KDM1B: variants seen among roughly 807,000 people sequenced by gnomAD.
The protein encoded by KDM1B is lysine-specific histone demethylase 2.
KDM1B carries 63 observed loss-of-function variants against 107.4 expected under a neutral mutation model. The observed-to-expected ratio is 0.59, with a 90% CI of 0.48 to 0.72. The LOEUF is 0.72. KDM1B is among the 30% of genes least tolerant of loss of function. The pLI is 0.00. For missense variants in KDM1B, 749 were observed against 1,020.8 expected (o/e 0.73, Z 3.63); for synonymous variants, 363 against 363.9 (o/e 1.00, Z 0.03).
Position 18,201,437 on chromosome 6 carries a change from A to G in KDM1B, c.1360-49A>G, listed in dbSNP as rs1284454620. On this transcript the variant is annotated intron_variant, in intron 13 of 21. Coordinates refer to ENST00000650836, the MANE Select transcript of KDM1B (RefSeq NM_001364614.2). This position sits in a 1 kb window ranked among gnomAD's most constrained non-coding sequence, Gnocchi z 4.3. ...GATTTTCAGCTTAGAACCTGTAAAT[A>G]TTTTTTTCCAGGGAAAATTTTCACC... 1.4e-6 allele frequency: 2 copies of G among 1,394,296 alleles called. No individual in the cohort carries two copies. Among genetic ancestry groups the G allele is most frequent in the Non-Finnish European group, 1.9e-6 (2 of 1,025,880 alleles). 86.4% of individuals were successfully genotyped at this position (1,394,296 alleles called of 1,614,324 possible). A position where few individuals can be genotyped will look rare whatever the true frequency, so the allele number is the denominator to read the frequency against.
rs1300026252 is a variant in KDM1B, at chr6:18,191,237, C to A, written c.825C>A (p.Pro275=). 2 of 1,550,444 alleles carry A rather than the reference C, an allele frequency of 1.3e-6. No individual in the cohort carries two copies. Among genetic ancestry groups the A allele is most frequent in the East Asian group, 4.9e-5 (2 of 40,928 alleles). Residue 275 remains proline (P), a synonymous_variant, in exon 10 of 22, where the codon CCC becomes CCA. Transcript: ENST00000650836. This position sits in a 1 kb window ranked among gnomAD's most constrained non-coding sequence, Gnocchi z 5.1. The stretch of plus-strand genomic sequence containing the variant: ...GATACTTCCAGCCTTTCTACCAGCC[C>A]AATGAGTGTGGCAAAGCCCTCTGTG... ...MNRYFQPFYQ[P]NECGKALCVR...
intron 20 of KDM1B, among the ~76,000 whole-genome samples, chr6:18,217,410 G>A (rs1205206437): frequency 4.8e-5 from 7 of 147,332 alleles, no homozygotes; most frequent in Non-Finnish European, 1.0e-4. Context: ...ATGGAGTCTG[G>A]CTCTGTTGCC....
At position 18,207,479 on chromosome 6, in the gene KDM1B, G is replaced by A; in HGVS notation, c.1741G>A (p.Val581Met). 6.2e-7 allele frequency: 1 copy of A among 1,614,218 alleles called. No individual in the cohort carries two copies. Among genetic ancestry groups the A allele is most frequent in the South Asian group, 1.1e-5 (1 of 91,084 alleles). The change falls in exon 16 of 22, where the codon GTG (valine) becomes ATG (methionine). Residue 581 changes from valine (V) to methionine (M), a missense_variant. Physicochemically the swap from Val to Met is conservative, Grantham distance 21. Coordinates refer to ENST00000650836, the MANE Select transcript of KDM1B (RefSeq NM_001364614.2). ...CACTCTGCTAACTCCCGGGTACTCG[G>A]TGATAATTGAAAAACTGGCAGAAGG... The part of the protein sequence containing the change: ...DHTLLTPGYS[V>M]IIEKLAEGLD...
chr6:18,213,423 C>T lies in KDM1B; in HGVS notation c.1984-233C>T, dbSNP rs1487301489. The stretch of plus-strand genomic sequence containing the variant: ...TGCACTCCCAGCTGGGCAACAAGAG[C>T]GAAACTCCGTCTCAAAAAAAAAAAA... On this transcript the variant is annotated intron_variant, in intron 18 of 21. Transcript: ENST00000650836. This position sits in a 1 kb window ranked among gnomAD's most constrained non-coding sequence, Gnocchi z 5.9. Among the ~76,000 whole-genome samples the T allele has an allele frequency of 1.4e-4, 21 of 146,542 alleles. No individual in the cohort carries two copies. The highest frequency in any genetic ancestry group is 3.5e-4 in the African/African-American group (14 of 39,652).
At chr6:18,202,892 C>T (rs773831816) in intron 14 of KDM1B, among the ~76,000 whole-genome samples, 6 of 152,152 alleles carry the variant, frequency 3.9e-5, no homozygotes, top group Non-Finnish European at 7.3e-5. Flanking sequence ...CAGAAATATA[C>T]TCTCGTCAAC....
At position 18,166,447 on chromosome 6, in the gene KDM1B, T is replaced by C. The variant is rs116824463; in HGVS notation, c.417+69T>C. 8.5e-3 allele frequency: 7,421 copies of C among 875,654 alleles called. 55 individuals are homozygous for C. The highest frequency in any genetic ancestry group is 0.019 in the Middle Eastern group (86 of 4,548). The allele number at this position is 875,654 out of a possible 1,614,324, so 54.2% of individuals were successfully genotyped here. A position where few individuals can be genotyped will look rare whatever the true frequency, so the allele number is the denominator to read the frequency against. On this transcript the variant is annotated intron_variant, in intron 6 of 21. Transcript: ENST00000650836. Reference sequence around the variant, plus strand: ...CAAATGCAAGAGGCATGGATGAAAATGCTGTTTAGGAAATCTCCTATTACA... The same window carrying C: ...CAAATGCAAGAGGCATGGATGAAAACGCTGTTTAGGAAATCTCCTATTACA...
At chr6:18,217,922 T>C in intron 21 of KDM1B, 37 bp downstream of exon 21, 1 of 1,592,026 alleles carries the variant, frequency 6.3e-7, no homozygotes, top group Non-Finnish European at 8.6e-7. Flanking sequence ...TATTTGTATT[T>C]TGATTTCTGT....
In KDM1B at chr6:18,162,220, C is replaced by T. The variant is rs1785018085; in HGVS notation, c.216-615C>T. The stretch of plus-strand genomic sequence containing the variant: ...CCTGTAATCCCAGCCACTCAGGAGG[C>T]TGAGGCATGAGAATCGCTTGAACCC... On this transcript the variant is annotated intron_variant, in intron 4 of 21. Coordinates refer to ENST00000650836, the MANE Select transcript of KDM1B (RefSeq NM_001364614.2). The surrounding 1 kb of genome is among the most constrained non-coding windows in gnomAD (Gnocchi z 4.1). 6.6e-6 allele frequency among the ~76,000 whole-genome samples: 1 copy of T among 152,092 alleles called. No homozygotes were observed.
intron 7 of KDM1B, among the ~76,000 whole-genome samples, chr6:18,183,001 A>T (rs9367982): frequency 0.66 from 101,038 of 152,156 alleles, 35,415 homozygotes; most frequent in East Asian, 0.8. Flanking sequence ...TTGTAAGATC[A>T]GTTCCTACAA....
chr6:18,216,647 A>G (rs1374337044), intron 20 of KDM1B, among the ~76,000 whole-genome samples: 2 of 152,214 alleles, frequency 1.3e-5, no homozygotes, highest in Non-Finnish European at 2.9e-5. Context: ...AAATAGATTC[A>G]TAAGTTTTCA....
At position 18,209,923 on chromosome 6, in the gene KDM1B, C is replaced by T. The variant is rs760140478; in HGVS notation, c.1866+1717C>T. On this transcript the variant is annotated intron_variant, in intron 17 of 21. Transcript: ENST00000650836. This position sits in a 1 kb window ranked among gnomAD's most constrained non-coding sequence, Gnocchi z 4.3. Reference sequence around the variant, plus strand: ...CTACCTTTTAAAATTGCAAGTCACCCGACAGTTCAGCCTCTGCTGTTCTGT... The same window carrying T: ...CTACCTTTTAAAATTGCAAGTCACCTGACAGTTCAGCCTCTGCTGTTCTGT... 6.6e-6 allele frequency among the ~76,000 whole-genome samples: 1 copy of T among 152,042 alleles called. No homozygotes were observed. Among genetic ancestry groups the T allele is most frequent in the Non-Finnish European group, 1.5e-5 (1 of 68,014 alleles).
chr6:18,189,151 C>G (rs907804123), intron 9 of KDM1B, among the ~76,000 whole-genome samples: 1 of 152,138 alleles, frequency 6.6e-6, no homozygotes, highest in Non-Finnish European at 1.5e-5. Context: ...AGCAAGAATT[C>G]TGGATTTCCT....
rs938074337 is a variant in KDM1B, at chr6:18,200,216, A to G, written c.1222-223A>G. On this transcript the variant is annotated intron_variant, in intron 12 of 21. Transcript: ENST00000650836. This position sits in a 1 kb window ranked among gnomAD's most constrained non-coding sequence, Gnocchi z 4.3. ...GTATCTGGTTTGAGTGATTCTTTCA[A>G]CAGACCACTCAGTTTTTCCTCGCTA... 6.6e-6 allele frequency among the ~76,000 whole-genome samples: 1 copy of G among 152,172 alleles called. No individual in the cohort carries two copies. Among genetic ancestry groups the G allele is most frequent in the South Asian group, 2.1e-4 (1 of 4,834 alleles).
At chr6:18,178,615 A>T (rs1486780352) in intron 7 of KDM1B, among the ~76,000 whole-genome samples, 1 of 148,462 alleles carries the variant, frequency 6.7e-6, no homozygotes, top group Admixed American at 6.8e-5. Context: ...CTGGTCTCGA[A>T]CTCCTGACCT....
At position 18,186,360 on chromosome 6, in the gene KDM1B, A is replaced by G. The variant is rs72840608; in HGVS notation, c.573+550A>G. Among the ~76,000 whole-genome samples the G allele has an allele frequency of 0.13, 19,431 of 152,204 alleles. 1,323 individuals are homozygous for G. The highest frequency in any genetic ancestry group is 0.19 in the South Asian group (902 of 4,830). On this transcript the variant is annotated intron_variant, in intron 8 of 21. Coordinates refer to ENST00000650836, the MANE Select transcript of KDM1B (RefSeq NM_001364614.2). The surrounding 1 kb of genome is among the most constrained non-coding windows in gnomAD (Gnocchi z 5.6). ...CTGAGTTGACAAACTTCAGTGTACC[A>G]TGTAACCAGATTCGGTGACTGTTTC...
In KDM1B at chr6:18,191,146, G is replaced by A. The variant is rs1787259962; in HGVS notation, c.785-51G>A. ...TTTGCTTTTGCCCTTTAATTCTTCTGGATTTGGAAGTTACAGCTTGTAGGA... is the reference window on the plus strand; with the variant it reads ...TTTGCTTTTGCCCTTTAATTCTTCTAGATTTGGAAGTTACAGCTTGTAGGA... On this transcript the variant is annotated intron_variant, in intron 9 of 21. Coordinates refer to ENST00000650836, the MANE Select transcript of KDM1B (RefSeq NM_001364614.2). This position sits in a 1 kb window ranked among gnomAD's most constrained non-coding sequence, Gnocchi z 5.1. The A allele has an allele frequency of 6.6e-7, 1 of 1,509,854 alleles. No homozygotes were observed. Among genetic ancestry groups the A allele is most frequent in the African/African-American group, 1.4e-5 (1 of 71,930 alleles). The allele number at this position is 1,509,854 out of a possible 1,614,324, so 93.5% of individuals were successfully genotyped here. A position where few individuals can be genotyped will look rare whatever the true frequency, so the allele number is the denominator to read the frequency against.
At position 18,162,095 on chromosome 6, in the gene KDM1B, C is replaced by T. The variant is rs1300566637; in HGVS notation, c.215+641C>T. On this transcript the variant is annotated intron_variant, in intron 4 of 21. Coordinates refer to ENST00000650836, the MANE Select transcript of KDM1B (RefSeq NM_001364614.2). This position sits in a 1 kb window ranked among gnomAD's most constrained non-coding sequence, Gnocchi z 4.1. ...CAGCACTTTGAGAGACCAAGATGGG[C>T]GGATCAGTTGAGGTCAGGAGTTCCA... 6.6e-6 allele frequency among the ~76,000 whole-genome samples: 1 copy of T among 152,056 alleles called. No homozygotes were observed. The highest frequency in any genetic ancestry group is 1.5e-5 in the Non-Finnish European group (1 of 68,010).
At position 18,200,604 on chromosome 6, in the gene KDM1B, G is replaced by T. The variant is rs150584245; in HGVS notation, c.1359+28G>T. 9.0e-4 allele frequency: 1,430 copies of T among 1,591,266 alleles called. 13 individuals carry two copies. In the African/African-American group the frequency reaches 0.017, roughly 19 times the overall value. Reference sequence around the variant, plus strand: ...GAGTTTCTTTTAGCTTTGTGTTGTAGATAAAGGAAAGAAAAACAGTTTCAA... The same window carrying T: ...GAGTTTCTTTTAGCTTTGTGTTGTATATAAAGGAAAGAAAAACAGTTTCAA... On this transcript the variant is annotated intron_variant, in intron 13 of 21. Coordinates refer to ENST00000650836, the MANE Select transcript of KDM1B (RefSeq NM_001364614.2). The surrounding 1 kb of genome is among the most constrained non-coding windows in gnomAD (Gnocchi z 4.3).
intron 3 of KDM1B, among the ~76,000 whole-genome samples, chr6:18,160,420 A>G (rs1033994067): frequency 3.3e-5 from 5 of 152,152 alleles, no homozygotes; most frequent in African/African-American, 1.2e-4. Context: ...TTCTTTCTCT[A>G]TAATTTTTCT....
Sources: gnomAD v4.1 joint callset for allele counts (sites outside exome capture counted in the v4.1 genomes callset) on GRCh38, gnomAD v4.1.1 for gene constraint, Gnocchi (gnomAD v3.1) non-coding constraint, MANE v1.5 for transcripts, NCBI Gene and HGNC (gene_info 2026-07-23, HGNC 2026-07-21) for gene names.